The following ANKRD30A variants were observed in gnomAD, a reference collection of about 807,000 sequenced individuals.
The protein encoded by ANKRD30A is ankyrin repeat domain-containing protein 30A.
In ANKRD30A, 170 loss-of-function variants were observed where a neutral mutation model predicts 166.3. The ratio of observed to expected loss-of-function variants is 1.02; its 90% confidence interval spans 0.90 to 1.16. The LOEUF (loss-of-function observed/expected upper bound fraction) is 1.16. Among genes scored for constraint, ANKRD30A ranks in the 50% most tolerant of loss-of-function variants. The pLI is 0.00. For missense variants in ANKRD30A, 1,630 were observed against 1,518.0 expected, an observed-to-expected ratio of 1.07 and a Z score of -1.23; for synonymous variants, 564 against 508.9, an observed-to-expected ratio of 1.11 and a Z score of -1.46.
At chr10:37,260,073 G>C in the ANKRD30A span, among the ~76,000 whole-genome samples, 13 of 151,906 alleles carry the variant, frequency 8.6e-5, no homozygotes, top group African/African-American at 3.1e-4. Context: ...ATGGATACCC[G>C]GGGGGTGGTT....
the ANKRD30A span, among the ~76,000 whole-genome samples, chr10:37,254,487 A>G: frequency 6.6e-6 from 1 of 152,052 alleles, no homozygotes; most frequent in Non-Finnish European, 1.5e-5. Flanking sequence ...GCTTTTCTTC[A>G]TGCACTTATT....
At chr10:37,156,972 G>T (rs968825117) in intron 13 of ANKRD30A, among the ~76,000 whole-genome samples, 1 of 152,102 alleles carries the variant, frequency 6.6e-6, no homozygotes, top group African/African-American at 2.4e-5. Flanking sequence ...TGTCCCTGAA[G>T]TGTCTTCATT....
intron 25 of ANKRD30A, among the ~76,000 whole-genome samples, chr10:37,192,023 A>C (rs559112232): frequency 6.6e-6 from 1 of 151,920 alleles, no homozygotes; most frequent in Admixed American, 6.6e-5. Context: ...CTAGTTTTTG[A>C]TACTTTCACA....
In ANKRD30A at chr10:37,129,906, T is replaced by C. The variant is rs947655450; in HGVS notation, c.235T>C (p.Trp79Arg). The C allele has an allele frequency of 1.1e-5, 17 of 1,550,068 alleles. No individual in the cohort carries two copies. The highest frequency in any genetic ancestry group is 1.3e-5 in the Non-Finnish European group (15 of 1,144,854). ...QDAQKRTALH[W>R]ACVNGHEEVV... ...TCACTCTCGTAGGACTGCTCTACAC[T>C]GGGCCTGTGTCAATGGCCATGAGGA... is the stretch of plus-strand genomic sequence containing the variant. Residue 79 changes from tryptophan to arginine, a missense_variant, in exon 2 of 36, where the codon TGG (tryptophan) becomes CGG (arginine). This residue lies in a region of ANKRD30A where 904 missense variants were observed against 818.5 expected (regional missense o/e 1.10). Transcript: ENST00000361713.
At chr10:37,208,684 A>T in intron 31 of ANKRD30A, among the ~76,000 whole-genome samples, 1 of 152,176 alleles carries the variant, frequency 6.6e-6, no homozygotes, top group East Asian at 1.9e-4. Context: ...TAACCAAAAG[A>T]ATCATACAGA....
intron 11 of ANKRD30A, 130 bp from the exon 12 acceptor site, chr10:37,151,930 C>G (rs181851505): frequency 2.7e-6 from 2 of 738,038 alleles, no homozygotes; most frequent in South Asian, 4.3e-5. Context: ...TTATTGTAAT[C>G]GACAAAAAGA....
intron 34 of ANKRD30A, among the ~76,000 whole-genome samples, chr10:37,221,823 A>G (rs999744920): frequency 1.3e-5 from 2 of 151,398 alleles, no homozygotes; most frequent in African/African-American, 4.8e-5. Context: ...AGAAGAATGT[A>G]TAATGGAATA....
chr10:37,158,634 T>C, intron 15 of ANKRD30A, 48 bp downstream of exon 15: 1 of 1,600,040 alleles, frequency 6.2e-7, no homozygotes, highest in Non-Finnish European at 8.5e-7. Flanking sequence ...AATATTAAAA[T>C]ATTTGAAATG....
intron 24 of ANKRD30A, among the ~76,000 whole-genome samples, chr10:37,182,749 GC>G (rs1389437347): frequency 2.2e-5 from 3 of 136,454 alleles, no homozygotes; most frequent in African/African-American, 7.8e-5. Context: ...CTGCCACCAC[GC>G]CCGGCTAATG....
chr10:37,235,863 A>C (rs201244892), downstream of ANKRD30A, among the ~76,000 whole-genome samples: 28 of 142,174 alleles, frequency 2.0e-4, 1 homozygote, highest in East Asian at 5.7e-3. Context: ...TCTGCCTCCC[A>C]GGTTCACGCC....
intron 31 of ANKRD30A, among the ~76,000 whole-genome samples, chr10:37,212,458 C>T (rs916553720): frequency 2.6e-5 from 4 of 151,880 alleles, no homozygotes; most frequent in Admixed American, 6.6e-5. Context: ...GGTAATTTAT[C>T]GATTCAATGC....
intron 27 of ANKRD30A, among the ~76,000 whole-genome samples, chr10:37,196,309 G>GT (rs1841101592): frequency 6.6e-6 from 1 of 152,014 alleles, no homozygotes; most frequent in Admixed American, 6.6e-5. Flanking sequence ...GGGAACCACA[G>GT]TGACACATTA....
intron 6 of ANKRD30A, among the ~76,000 whole-genome samples, chr10:37,141,236 G>A (rs1420843693): frequency 2.0e-5 from 3 of 152,012 alleles, no homozygotes; most frequent in East Asian, 1.9e-4. Flanking sequence ...TTCAGCATGT[G>A]TCAGACCTTT....
the ANKRD30A span, among the ~76,000 whole-genome samples, chr10:37,238,071 G>T: frequency 2.0e-5 from 3 of 152,086 alleles, no homozygotes; most frequent in Non-Finnish European, 2.9e-5. Context: ...TAAAGGTGGA[G>T]CCATCAATAT....
At chr10:37,215,652 T>C (rs1325739545) in intron 31 of ANKRD30A, among the ~76,000 whole-genome samples, 1 of 151,572 alleles carries the variant, frequency 6.6e-6, no homozygotes, top group Admixed American at 6.6e-5. Context: ...ATTATCATCT[T>C]CTTTGCCTAA....
At chr10:37,202,924 C>G (rs1841740118) in intron 31 of ANKRD30A, among the ~76,000 whole-genome samples, 1 of 152,136 alleles carries the variant, frequency 6.6e-6, no homozygotes, top group Non-Finnish European at 1.5e-5. Context: ...TACACCCTCC[C>G]AAGACTAAAC....
chr10:37,219,482 A>G lies in ANKRD30A; in HGVS notation c.3770A>G (p.Gln1257Arg), dbSNP rs890084906. 3 of 1,610,296 alleles carry G rather than the reference A, an allele frequency of 1.9e-6. No individual in the cohort carries two copies. Among genetic ancestry groups the G allele is most frequent in the East Asian group, 4.5e-5 (2 of 44,728 alleles). Reference sequence around the variant, plus strand: ...CTCCATCAACCACTTTCTGAAGCTCAAAGGAAATCCAAAAGCCTAAAAATT... The same window carrying G: ...CTCCATCAACCACTTTCTGAAGCTCGAAGGAAATCCAAAAGCCTAAAAATT... Reference protein sequence around the residue: ...EVLHQPLSEAQRKSKSLKINL... With the variant: ...EVLHQPLSEARRKSKSLKINL... The change falls in exon 34 of 36, where the codon CAA (glutamine) becomes CGA (arginine). Residue 1257 changes from glutamine to arginine, a missense_variant. Physicochemically the swap from Gln to Arg is conservative, Grantham distance 43. This residue lies in a region of ANKRD30A where 712 missense variants were observed against 629.3 expected (regional missense o/e 1.13). Coordinates refer to ENST00000361713, the MANE Select transcript of ANKRD30A (RefSeq NM_052997.3).
rs766023225 is a variant in ANKRD30A, at chr10:37,209,298, G to A, written c.2870-6883G>A. ...TTATGAGGAAATAGATTTCATTGGC[G>A]CACAGTTCTACAGGTTGTACAGGAA... On this transcript the variant is annotated intron_variant, in intron 31 of 35. Coordinates refer to ENST00000361713, the MANE Select transcript of ANKRD30A (RefSeq NM_052997.3). 8.0e-4 allele frequency among the ~76,000 whole-genome samples: 121 copies of A among 152,056 alleles called. 1 individual carries two copies. The highest frequency in any genetic ancestry group is 1.2e-3 in the African/African-American group (48 of 41,392).
At chr10:37,254,974 G>A in the ANKRD30A span, among the ~76,000 whole-genome samples, 18 of 151,984 alleles carry the variant, frequency 1.2e-4, no homozygotes, top group Non-Finnish European at 1.6e-4. Flanking sequence ...GAGCCACTGC[G>A]CCCGGCCCTC....
Sources: gnomAD v4.1 joint callset for allele counts (sites outside exome capture counted in the v4.1 genomes callset) on GRCh38, gnomAD v4.1.1 for gene constraint, gnomAD v4.1.1 regional missense constraint, MANE v1.5 for transcripts, NCBI Gene and HGNC (gene_info 2026-07-23, HGNC 2026-07-21) for gene names.